STARD13: variants seen among roughly 807,000 people sequenced by gnomAD.
STARD13 encodes StAR related lipid transfer domain containing 13.
STARD13 carries 62 observed loss-of-function variants against 106.4 expected under a neutral mutation model. The ratio of observed to expected loss-of-function variants is 0.58; its 90% CI spans 0.48 to 0.72. STARD13 has a LOEUF of 0.72. Among genes scored for constraint, STARD13 ranks in the 30% least tolerant of loss-of-function variants. The probability of loss-of-function intolerance (pLI) is 0.00; values close to 1 mark genes in which losing one functional copy is unlikely to be tolerated. For missense variants in STARD13, 1,387 were observed against 1,424.0 expected (o/e 0.97, Z 0.42); for synonymous variants, 565 against 553.0 (o/e 1.02, Z -0.31).
At chr13:33,606,769 A>G in the STARD13 span, among the ~76,000 whole-genome samples, 2 of 152,262 alleles carry the variant, frequency 1.3e-5, no homozygotes, top group Admixed American at 1.3e-4. Flanking sequence ...CACTGGTGTT[A>G]TTGGGCTGAA....
Position 33,130,107 on chromosome 13 carries a change from C to G in STARD13, c.570G>C (p.Leu190=). 1 of 1,614,114 alleles carries G rather than the reference C, an allele frequency of 6.2e-7. No individual in the cohort carries two copies. The highest frequency in any genetic ancestry group is 8.5e-7 in the Non-Finnish European group (1 of 1,180,010). ...TTSSESVLTD[L]SEPEVCSIHS... ...GAATGGAGCAGACCTCAGGCTCGCT[C>G]AGGTCTGTGAGGACGCTCTCACTGC... The change falls in exon 5 of 14, where the codon CTG becomes CTC. Residue 190 remains leucine, a synonymous_variant. Coordinates refer to ENST00000336934, the MANE Select transcript of STARD13 (RefSeq NM_178006.4). The surrounding 1 kb of genome is among the most constrained non-coding windows in gnomAD (Gnocchi z 4.1).
rs559244711 is a variant in STARD13, at chr13:33,136,120, C to CAAA, written c.388-5834_388-5832dup. Reference sequence around the variant, plus strand: ...TGGGTGATGAAGTGAGACTCTACCTCAAAAAAAAAAAATTATATATATCTT... The same window carrying CAAA: ...TGGGTGATGAAGTGAGACTCTACCTCAAAAAAAAAAAAAAATTATATATATCTT... On this transcript the variant is annotated intron_variant, in intron 4 of 13. Coordinates refer to ENST00000336934, the MANE Select transcript of STARD13 (RefSeq NM_178006.4). 1.8e-3 allele frequency among the ~76,000 whole-genome samples: 261 copies of CAAA among 145,422 alleles called. 5 individuals are homozygous for CAAA. The highest frequency in any genetic ancestry group is 3.4e-3 in the African/African-American group (134 of 39,332).
Position 33,129,476 on chromosome 13 carries a change from G to A in STARD13, c.1201C>T (p.His401Tyr). Residue 401 changes from histidine to tyrosine, a missense_variant, in exon 5 of 14, where the codon CAC becomes TAC. By Grantham distance (83) the His-to-Tyr change is moderately conservative (BLOSUM62 2). Transcript: ENST00000336934. ...ENLVVHIPKD[H>Y]KPGTFPKALS... Reference sequence around the variant, plus strand: ...GCCTTGGGGAATGTTCCTGGTTTGTGATCCTTGGGAATATGCACCACCAAA... The same window carrying A: ...GCCTTGGGGAATGTTCCTGGTTTGTAATCCTTGGGAATATGCACCACCAAA... The A allele has an allele frequency of 6.2e-7, 1 of 1,614,208 alleles. No individual in the cohort carries two copies. The highest frequency in any genetic ancestry group is 1.3e-5 in the African/African-American group (1 of 75,058).
At chr13:33,468,997 TACTA>T in the STARD13 span, among the ~76,000 whole-genome samples, 2 of 152,212 alleles carry the variant, frequency 1.3e-5, no homozygotes, top group African/African-American at 4.8e-5. Context: ...AGTGAGCCAC[TACTA>T]ACTAACAACA....
chr13:33,447,110 T>C, the STARD13 span, among the ~76,000 whole-genome samples: 1 of 152,222 alleles, frequency 6.6e-6, no homozygotes, highest in Non-Finnish European at 1.5e-5. Flanking sequence ...ATAGACTTTT[T>C]CTGGATCCAG....
intron 1 of STARD13, among the ~76,000 whole-genome samples, chr13:33,168,957 G>C (rs1305264830): frequency 6.6e-6 from 1 of 152,238 alleles, no homozygotes; most frequent in African/African-American, 2.4e-5. Context: ...AACAGAGCCT[G>C]TGGTGGCTCC....
chr13:33,512,478 T>G, the STARD13 span, among the ~76,000 whole-genome samples: 9 of 152,102 alleles, frequency 5.9e-5, no homozygotes, highest in African/African-American at 2.2e-4. Flanking sequence ...CTTTTTTTCT[T>G]TTTTTTGAGG....
At chr13:33,402,863 C>T in the STARD13 span, among the ~76,000 whole-genome samples, 1 of 152,228 alleles carries the variant, frequency 6.6e-6, no homozygotes, top group East Asian at 1.9e-4. Context: ...CCACTTCCGG[C>T]TCCCCATTCA....
upstream of STARD13, among the ~76,000 whole-genome samples, chr13:33,286,171 CAAA>C (rs112494237): frequency 6.6e-6 from 1 of 150,950 alleles, no homozygotes; most frequent in Non-Finnish European, 1.5e-5. Flanking sequence ...CACAACACAA[CAAA>C]AAAAAACTAC....
chr13:33,428,825 G>A, the STARD13 span, among the ~76,000 whole-genome samples: 1 of 151,998 alleles, frequency 6.6e-6, no homozygotes, highest in African/African-American at 2.4e-5. Context: ...CAACTCTATA[G>A]GAAAAAATGG....
At chr13:33,147,742 A>C (rs946913203) in intron 3 of STARD13, among the ~76,000 whole-genome samples, 4 of 152,322 alleles carry the variant, frequency 2.6e-5, no homozygotes, top group African/African-American at 9.6e-5. Flanking sequence ...GTTTATATGA[A>C]GGAGCAAAAG....
chr13:33,428,054 G>A, the STARD13 span, among the ~76,000 whole-genome samples: 1 of 152,034 alleles, frequency 6.6e-6, no homozygotes, highest in East Asian at 1.9e-4. Flanking sequence ...CTTTGAGAAA[G>A]GCACTAGGAA....
At position 33,129,504 on chromosome 13, in the gene STARD13, C is replaced by G. The variant is rs1183975087; in HGVS notation, c.1173G>C (p.Glu391Asp). Residue 391 changes from glutamate (E) to aspartate (D), a missense_variant, in exon 5 of 14, where the codon GAG (glutamate) becomes GAC (aspartate). Glu to Asp is a conservative substitution (Grantham distance 45, BLOSUM62 2). Coordinates refer to ENST00000336934, the MANE Select transcript of STARD13 (RefSeq NM_178006.4). ...QSRMHEFHSQ[E>D]NLVVHIPKDH... ...CCTTGGGAATATGCACCACCAAATTCTCTTGGGAGTGAAATTCATGCATAC... is the reference window on the plus strand; with the variant it reads ...CCTTGGGAATATGCACCACCAAATTGTCTTGGGAGTGAAATTCATGCATAC... The G allele has an allele frequency of 6.2e-7, 1 of 1,614,212 alleles. No homozygotes were observed. The highest frequency in any genetic ancestry group is 1.7e-5 in the Admixed American group (1 of 60,032).
chr13:33,268,899 G>A (rs937218091), intron 1 of STARD13, among the ~76,000 whole-genome samples: 1 of 152,212 alleles, frequency 6.6e-6, no homozygotes, highest in African/African-American at 2.4e-5. Flanking sequence ...AATGTGTTCT[G>A]CTAAACCAAA....
the STARD13 span, among the ~76,000 whole-genome samples, chr13:33,538,952 G>C: frequency 3.9e-5 from 6 of 152,046 alleles, no homozygotes; most frequent in East Asian, 1.9e-4. Flanking sequence ...TGTATATTTA[G>C]TAGAGACGGG....
At chr13:33,295,308 A>G (rs1892446111) in intron 1 of STARD13, among the ~76,000 whole-genome samples, 1 of 152,196 alleles carries the variant, frequency 6.6e-6, no homozygotes, top group Non-Finnish European at 1.5e-5. Flanking sequence ...ATATCCCTCT[A>G]GAGGTCTAGA....
chr13:33,212,105 T>C (rs1887757513), intron 1 of STARD13, among the ~76,000 whole-genome samples: 1 of 152,112 alleles, frequency 6.6e-6, no homozygotes, highest in Non-Finnish European at 1.5e-5. Context: ...AAAAGTGTGG[T>C]TTCAGGGGAC....
chr13:33,229,921 G>A (rs1298370308), intron 1 of STARD13, among the ~76,000 whole-genome samples: 2 of 152,186 alleles, frequency 1.3e-5, no homozygotes, highest in African/African-American at 4.8e-5. Context: ...TTTTTGGAGA[G>A]TGGCTTAGTG....
the STARD13 span, among the ~76,000 whole-genome samples, chr13:33,465,869 A>G: frequency 2.0e-5 from 3 of 152,178 alleles, no homozygotes; most frequent in African/African-American, 4.8e-5. Flanking sequence ...GAAATATGCT[A>G]TCTCATTAAT....
Sources: gnomAD v4.1 joint callset for allele counts (sites outside exome capture counted in the v4.1 genomes callset) on GRCh38, gnomAD v4.1.1 for gene constraint, Gnocchi (gnomAD v3.1) non-coding constraint, MANE v1.5 for transcripts, NCBI Gene and HGNC (gene_info 2026-07-23, HGNC 2026-07-21) for gene names.